The following ZNF846 variants were observed in gnomAD, a reference collection of about 807,000 sequenced individuals.
ZNF846 encodes zinc finger protein 420 pseudogene.
ZNF846 carries 15 observed loss-of-function variants against 16.0 expected under a neutral mutation model. The ratio of observed to expected loss-of-function variants is 0.94; its 90% CI spans 0.63 to 1.45. The LOEUF (loss-of-function observed/expected upper bound fraction) is 1.45, where lower values mean the gene tolerates loss of function less well. ZNF846 is among the 40% of genes most tolerant of loss of function. ZNF846 has a pLI of 0.00. For synonymous variants in ZNF846, 229 were observed against 212.0 expected, an observed-to-expected ratio of 1.08 and a Z score of -0.70; for missense variants, 714 against 622.3, an observed-to-expected ratio of 1.15 and a Z score of -1.57.
chr19:9,757,724 T>C (rs374241968), exon 6 of ZNF846: 26 of 1,613,366 alleles, frequency 1.6e-5, no homozygotes, highest in Non-Finnish European at 2.1e-5. Flanking sequence ...ATTCCTTACA[T>C]TCACAGGCCT....
chr19:9,769,093 T>G (rs1021144253), upstream of ZNF846, among the ~76,000 whole-genome samples: 1 of 152,166 alleles, frequency 6.6e-6, no homozygotes, highest in Admixed American at 6.5e-5. Flanking sequence ...ATTTCTCTTT[T>G]TAGTTTTTTG....
At chr19:9,751,127 T>C (rs963311764), downstream of ZNF846, among the ~76,000 whole-genome samples, 2 of 152,156 alleles carry the variant, frequency 1.3e-5, no homozygotes, top group Non-Finnish European at 2.9e-5. Context: ...TGAGGGCTTG[T>C]GTCTTCTGAT....
chr19:9,764,788 C>T (rs1216372267), intron 2 of ZNF846, 148 bp downstream of exon 2: 16 of 925,346 alleles, frequency 1.7e-5, no homozygotes, highest in Non-Finnish European at 1.2e-5. Context: ...CCTGAGATGG[C>T]TTGGTTCCTA....
exon 6 of ZNF846, chr19:9,758,572 T>C (rs375863771): frequency 3.0e-5 from 48 of 1,612,216 alleles, no homozygotes; most frequent in Non-Finnish European, 4.1e-5. Context: ...CACTTAGGCA[T>C]TTTCCCCTCA....
At chr19:9,779,792 G>A (rs917186126) in intron 1 of ZNF846, among the ~76,000 whole-genome samples, 2 of 151,434 alleles carry the variant, frequency 1.3e-5, no homozygotes, top group African/African-American at 2.4e-5. Context: ...GGCTGGTCTC[G>A]AACTCCTGAC....
intron 3 of ZNF846, among the ~76,000 whole-genome samples, 200 bp downstream of exon 3, chr19:9,763,082 T>C (rs140286733): frequency 0.013 from 1,940 of 152,022 alleles, 38 homozygotes; most frequent in African/African-American, 0.045. Flanking sequence ...AGGGGGGGCT[T>C]TGCAGTAAGC....
chr19:9,753,117 T>C (rs1169537851), downstream of ZNF846, among the ~76,000 whole-genome samples: 1 of 151,622 alleles, frequency 6.6e-6, no homozygotes, highest in Non-Finnish European at 1.5e-5. Context: ...GGTAATCCCA[T>C]TCTGCAGAGC....
At position 9,758,088 on chromosome 19, in the gene ZNF846, C is replaced by G. The variant is rs60387559; in HGVS notation, c.989G>C (p.Arg330Pro). ...ATATGGCTTTTCTCCAGTGTGAATT[C>G]GCATGTGTAAAATAAGTCCTGTGGA... The change falls in exon 6 of 6, where the codon CGA becomes CCA. Residue 330 changes from arginine (R) to proline (P), a missense_variant. Physicochemically the swap from Arg to Pro is moderately radical, Grantham distance 103. Transcript: ENST00000397902. 4,534 of 1,613,596 alleles carry G rather than the reference C, an allele frequency of 2.8e-3. 292 individuals carry two copies. The African/African-American group carries it at 0.054, about 19-fold the overall frequency.
chr19:9,764,419 T>C (rs1367928404), intron 2 of ZNF846, among the ~76,000 whole-genome samples: 1 of 152,246 alleles, frequency 6.6e-6, no homozygotes. Flanking sequence ...TTTTAAATTC[T>C]TGTCTCTGTA....
At chr19:9,782,762 T>C (rs1195735213) in intron 1 of ZNF846, among the ~76,000 whole-genome samples, 1 of 152,198 alleles carries the variant, frequency 6.6e-6, no homozygotes, top group Admixed American at 6.5e-5. Flanking sequence ...GGAAAAGAAA[T>C]GTTACTGGGA....
chr19:9,772,470 C>A (rs140172059), upstream of ZNF846, among the ~76,000 whole-genome samples: 1 of 151,646 alleles, frequency 6.6e-6, no homozygotes, highest in Non-Finnish European at 1.5e-5. Flanking sequence ...TGTGGTGGCA[C>A]GCACCTGTAA....
chr19:9,771,942 A>G (rs2045393548), upstream of ZNF846, among the ~76,000 whole-genome samples: 1 of 151,214 alleles, frequency 6.6e-6, no homozygotes, highest in Admixed American at 6.6e-5. Flanking sequence ...TAATTTTTGT[A>G]TTTTTAGTAG....
chr19:9,750,638 A>G (rs927727428), downstream of ZNF846, among the ~76,000 whole-genome samples: 2 of 152,120 alleles, frequency 1.3e-5, no homozygotes, highest in Non-Finnish European at 2.9e-5. Flanking sequence ...TGTCCCCCTC[A>G]TGACACCAAC....
At chr19:9,764,037 G>T (rs1272890554) in intron 2 of ZNF846, among the ~76,000 whole-genome samples, 1 of 152,192 alleles carries the variant, frequency 6.6e-6, no homozygotes, top group African/African-American at 2.4e-5. Flanking sequence ...CCTATGAATG[G>T]ACGTGCAGTC....
intron 1 of ZNF846, 73 bp from the exon 2 acceptor site, chr19:9,765,108 C>G: frequency 1.2e-6 from 1 of 807,744 alleles, no homozygotes; most frequent in Non-Finnish European, 2.1e-6. Context: ...CATGGTGGCT[C>G]ATGCCTGTAA....
rs562444432 is a variant in ZNF846 at position 9,782,072 on chromosome 19, C to T, written c.-86+3866G>A. Among the ~76,000 whole-genome samples, 22 of 151,916 alleles carry T rather than the reference C, an allele frequency of 1.4e-4. No homozygotes were observed. The East Asian group carries it at 2.3e-3, about 16-fold the overall frequency. On this transcript the variant is annotated intron_variant, in intron 1 of 4. Coordinates refer to the ZNF846 transcript ENST00000586814. ...GATTACATGTGTGAGCCACCGCACC[C>T]GGCCTAATAATTTTTTTAAGTTAGC...
chr19:9,774,992 G>A (rs957113125), intron 1 of ZNF846: 11 of 1,596,300 alleles, frequency 6.9e-6, no homozygotes, highest in East Asian at 6.7e-5. Flanking sequence ...GCAAGTGTAA[G>A]CAGAGGCCCC....
intron 3 of ZNF846, 113 bp downstream of exon 3, chr19:9,763,169 A>C: frequency 2.1e-6 from 2 of 962,514 alleles, no homozygotes; most frequent in South Asian, 2.9e-5. Flanking sequence ...AGGAATGTCC[A>C]CTGGCCAAGG....
intron 1 of ZNF846, among the ~76,000 whole-genome samples, chr19:9,782,186 G>T (rs965288225): frequency 1.3e-5 from 2 of 152,118 alleles, no homozygotes; most frequent in Non-Finnish European, 2.9e-5. Context: ...GCCCCACCAG[G>T]AATGGCACTA....
Sources: gnomAD v4.1 joint callset for allele counts (sites outside exome capture counted in the v4.1 genomes callset) on GRCh38, gnomAD v4.1.1 for gene constraint, MANE v1.5 for transcripts, NCBI Gene and HGNC (gene_info 2026-07-23, HGNC 2026-07-21) for gene names.